The following NRK variants were observed in gnomAD, a reference collection of about 807,000 sequenced individuals.
NRK encodes the protein Nik related kinase, also known as nik-related protein kinase.
NRK carries 67 observed loss-of-function variants against 125.2 expected under a neutral mutation model. The observed-to-expected ratio is 0.54, with a 90% CI of 0.44 to 0.66. The LOEUF (loss-of-function observed/expected upper bound fraction) is 0.66, where lower values mean the gene tolerates loss of function less well. Among genes scored for constraint, NRK ranks in the 30% least tolerant of loss-of-function variants. The probability of loss-of-function intolerance (pLI) is 0.00; values close to 1 mark genes in which losing one functional copy is unlikely to be tolerated. For synonymous variants in NRK, 458 were observed against 429.0 expected, an observed-to-expected ratio of 1.07 and a Z score of -0.84; for missense variants, 1,224 against 1,192.9, an observed-to-expected ratio of 1.03 and a Z score of -0.38.
intron 5 of NRK, among the ~76,000 whole-genome samples, chrX:105,893,515 T>C (rs1047789358): frequency 8.9e-6 from 1 of 111,912 alleles, no homozygotes; most frequent in Non-Finnish European, 1.9e-5. Context: ...TATTTAGTTT[T>C]CCATAAATGG....
At chrX:105,944,456 T>C (rs445086) in intron 24 of NRK, among the ~76,000 whole-genome samples, 38,807 of 110,762 alleles carry the variant, frequency 0.35, 6,744 homozygotes, top group African/African-American at 0.69. Context: ...TTCACAGGCA[T>C]CACAGCAAGG....
In NRK at chrX:105,923,192, A is replaced by C; in HGVS notation, c.2685A>C (p.Ala895=). The change falls in exon 18 of 29, where the codon GCA becomes GCC. Residue 895 remains alanine, a synonymous_variant. Transcript: ENST00000243300. ...CAAACGAATGGGTAGGCTATAATGC[A>C]CTCTCTGAAATCTTCCGGAATGATT... ...YLTNEWVGYN[A]LSEIFRNDWL... is the part of the protein sequence containing the mutation. The C allele has an allele frequency of 9.1e-6, 11 of 1,206,702 alleles. No homozygotes were observed. The highest frequency in any genetic ancestry group is 1.0e-5 in the Non-Finnish European group (9 of 891,718).
rs189003893 is a variant in NRK, at chrX:105,911,884, A to G, written c.2242-764A>G. Among the ~76,000 whole-genome samples the G allele has an allele frequency of 3.0e-3, 336 of 111,938 alleles. 2 individuals carry two copies. The highest frequency in any genetic ancestry group is 0.011 in the African/African-American group (326 of 30,848). On this transcript the variant is annotated intron_variant, in intron 13 of 28. Transcript: ENST00000243300. ...GTTTTAAACATATATGTGGAAAGCC[A>G]TTCTAAAATTTTTAAAAGTCAATAA...
At chrX:105,911,276 A>G (rs373999627) in intron 13 of NRK, among the ~76,000 whole-genome samples, 68 of 112,023 alleles carry the variant, frequency 6.1e-4, no homozygotes, top group African/African-American at 2.1e-3. Flanking sequence ...ATTGAATTTA[A>G]TCTGGTGGAT....
chrX:105,952,936 T>C, intron 27 of NRK, 98 bp from the exon 28 acceptor site: 1 of 712,410 alleles, frequency 1.4e-6, no homozygotes, highest in East Asian at 3.8e-5. Flanking sequence ...ACTGTAACAA[T>C]GAGCCTCTTA....
At chrX:105,908,384 C>A in intron 12 of NRK, 81 bp downstream of exon 12, 1 of 500,968 alleles carries the variant, frequency 2.0e-6, no homozygotes. Flanking sequence ...GCCTTTGGTT[C>A]AGAAAGACTT....
chrX:105,880,831 T>G (rs1211681240), intron 3 of NRK, among the ~76,000 whole-genome samples: 1 of 111,928 alleles, frequency 8.9e-6, no homozygotes, highest in African/African-American at 3.2e-5. Context: ...TTGCTAGCAC[T>G]GATTTCTGTT....
chrX:105,918,440 G>T (rs1000550036), intron 16 of NRK, among the ~76,000 whole-genome samples: 1 of 111,037 alleles, frequency 9.0e-6, no homozygotes, highest in African/African-American at 3.3e-5. Context: ...TAATAAAAAT[G>T]ATACAGATGT....
upstream of NRK, chrX:105,822,418 C>T (rs1173835597): frequency 6.0e-6 from 1 of 167,456 alleles, no homozygotes; most frequent in East Asian, 2.0e-4. Flanking sequence ...CCTGCCTCCC[C>T]GCCGGGCGGC....
chrX:105,908,791 G>A lies in NRK; in HGVS notation c.1150G>A (p.Val384Ile), dbSNP rs755617989. The A allele has an allele frequency of 8.3e-7, 1 of 1,211,066 alleles. No individual in the cohort carries two copies. Among genetic ancestry groups the A allele is most frequent in the Admixed American group, 2.2e-5 (1 of 46,010 alleles). ...PTSSRCRPLR[V>I]LHGEPSQPRW... is the part of the protein sequence containing the mutation. ...CAGCAGCAGATGCAGACCACTTAGA[G>A]TCCTGCATGGGGAACCCTCTCAGCC... The change falls in exon 13 of 29, where the codon GTC becomes ATC. Residue 384 changes from valine to isoleucine, a missense_variant. Transcript: ENST00000243300.
At chrX:105,928,502 T>TTTTA (rs2040553391) in intron 19 of NRK, among the ~76,000 whole-genome samples, 1 of 111,488 alleles carries the variant, frequency 9.0e-6, no homozygotes, top group Admixed American at 9.5e-5. Context: ...TTGCTCTGAT[T>TTTTA]TTTATTATCT....
At chrX:105,948,389 T>C (rs1215514454) in intron 26 of NRK, 1 of 200,813 alleles carries the variant, frequency 5.0e-6, no homozygotes, top group African/African-American at 3.0e-5. Flanking sequence ...GAGGGGGGTG[T>C]CTTCTGAGAA....
chrX:105,948,322 T>C (rs1031702661), intron 26 of NRK: 2 of 128,884 alleles, frequency 1.6e-5, no homozygotes, highest in Non-Finnish European at 3.1e-5. Flanking sequence ...AAAAATATTT[T>C]TAGCTAAATA....
chrX:105,928,369 T>A (rs2147776265), intron 19 of NRK, among the ~76,000 whole-genome samples: 1 of 111,493 alleles, frequency 9.0e-6, no homozygotes, highest in East Asian at 2.8e-4. Context: ...TATTTGGGTC[T>A]TTTATACTTT....
chrX:105,898,772 A>G, intron 8 of NRK, 58 bp downstream of exon 8: 1 of 960,799 alleles, frequency 1.0e-6, no homozygotes, highest in Non-Finnish European at 1.4e-6. Flanking sequence ...TTTGATTAAC[A>G]TTTATTTTTA....
chrX:105,842,570 C>A (rs1459814026), intron 2 of NRK, among the ~76,000 whole-genome samples: 2 of 112,047 alleles, frequency 1.8e-5, no homozygotes, highest in African/African-American at 6.5e-5. Context: ...CATTAAAAAA[C>A]AATTTGTGTA....
chrX:105,942,793 AT>A (rs1192382937), intron 23 of NRK, among the ~76,000 whole-genome samples: 106 of 102,151 alleles, frequency 1.0e-3, no homozygotes, highest in East Asian at 6.5e-3. Context: ...TATTTTTTAT[AT>A]TTTTTTTTTT....
At position 105,919,090 on chromosome X, in the gene NRK, C is replaced by G. The variant is rs371780389; in HGVS notation, c.2512+1418C>G. On this transcript the variant is annotated intron_variant, in intron 16 of 28. Transcript: ENST00000243300. Reference sequence around the variant, plus strand: ...TAGCATGTGTTCAGTGTAATGTTCTCAAAGGACAGCAGTATTTGCAAATAT... The same window carrying G: ...TAGCATGTGTTCAGTGTAATGTTCTGAAAGGACAGCAGTATTTGCAAATAT... Among the ~76,000 whole-genome samples the G allele has an allele frequency of 2.2e-4, 24 of 107,836 alleles. No individual in the cohort carries two copies. In the East Asian group the frequency reaches 2.3e-3, roughly 11 times the overall value. 93.6% of individuals were successfully genotyped at this position (107,836 alleles called of 115,157 possible).
chrX:105,906,526 C>T lies in NRK; in HGVS notation c.958C>T (p.Arg320Ter). The T allele has an allele frequency of 3.5e-6, 4 of 1,157,189 alleles. No homozygotes were observed. Among genetic ancestry groups the T allele is most frequent in the Non-Finnish European group, 4.7e-6 (4 of 859,760 alleles). Residue 320 changes from arginine (R) to a stop codon, truncating the protein, a stop_gained, in exon 11 of 29, where the codon CGA becomes TGA. Transcript: ENST00000243300. LOFTEE classifies it high-confidence loss of function. ...ATTTGTTCGGGATATAAAAAATGAA[C>T]GACATGTTGTTGAGTCATTAACAAG... ...HPFVRDIKNE[R>*]HVVESLTRHL...
Sources: allele counts gnomAD v4.1 joint callset (sites outside exome capture counted in the v4.1 genomes callset), GRCh38; gene constraint gnomAD v4.1.1; transcripts MANE v1.5; gene names NCBI Gene and HGNC (gene_info 2026-07-23, HGNC 2026-07-21).